Variants in ELOVL5 observed in about 807,000 individuals in gnomAD.
The protein encoded by ELOVL5 is very long chain fatty acid elongase 5.
In ELOVL5, 8 loss-of-function variants were observed where a neutral mutation model predicts 38.6. The observed-to-expected ratio is 0.21, with a 90% CI of 0.12 to 0.37. The LOEUF (loss-of-function observed/expected upper bound fraction) is 0.37, where lower values mean the gene tolerates loss of function less well. Among genes scored for constraint, ELOVL5 ranks in the 10% least tolerant of loss-of-function variants. The pLI is 1.00. For synonymous variants in ELOVL5, 127 were observed against 133.7 expected (o/e 0.95, Z 0.34); for missense variants, 280 against 367.8 (o/e 0.76, Z 1.95).
intron 3 of ELOVL5, among the ~76,000 whole-genome samples, chr6:53,278,082 G>C (rs575407962): frequency 1.3e-5 from 2 of 152,148 alleles, no homozygotes; most frequent in African/African-American, 4.8e-5. Flanking sequence ...AATTAAAAAC[G>C]TACTAACATA....
At position 53,267,586 on chromosome 6, in the gene ELOVL5, G is replaced by A. The variant is rs1361629268; in HGVS notation, c.*1541C>T. 1 of 152,544 alleles carries A rather than the reference G, an allele frequency of 6.6e-6. No homozygotes were observed. Among genetic ancestry groups the A allele is most frequent in the Admixed American group, 6.6e-5 (1 of 15,260 alleles). The allele number at this position is 152,544 out of a possible 1,614,324, so 9.4% of individuals were successfully genotyped here. ...TACATTTATAAATATACACATTCTA[G>A]GTTTGATAAGGTAAATGTAAACAGA... On this transcript the variant is annotated 3_prime_UTR_variant, in exon 8 of 8. Transcript: ENST00000304434.
Position 53,292,044 on chromosome 6 carries a change from G to A in ELOVL5, c.59-81C>T, listed in dbSNP as rs573450299. 95 of 849,770 alleles carry A rather than the reference G, an allele frequency of 1.1e-4. No homozygotes were observed. The African/African-American group carries it at 1.2e-3, about 11-fold the overall frequency. 52.6% of individuals were successfully genotyped at this position (849,770 alleles called of 1,614,324 possible). On this transcript the variant is annotated intron_variant, in intron 2 of 7. Coordinates refer to ENST00000304434, the MANE Select transcript of ELOVL5 (RefSeq NM_021814.5). The stretch of plus-strand genomic sequence containing the variant: ...TTGAAAAAATTTCTCTAACCATGAT[G>A]ATATAAAAGTCACCTGGTATTCATG...
At chr6:53,338,595 A>G (rs1487364652) in intron 1 of ELOVL5, among the ~76,000 whole-genome samples, 1 of 151,940 alleles carries the variant, frequency 6.6e-6, no homozygotes, top group Non-Finnish European at 1.5e-5. Flanking sequence ...AGACACCAAG[A>G]TACTACACAC....
chr6:53,347,881 ACTCTTG>A (rs1415633062), intron 1 of ELOVL5, among the ~76,000 whole-genome samples: 1 of 152,032 alleles, frequency 6.6e-6, no homozygotes, highest in Non-Finnish European at 1.5e-5. Flanking sequence ...AGCAAGAACA[ACTCTTG>A]CTCTAGGCAT....
chr6:53,331,756 A>G (rs557418342), intron 1 of ELOVL5, among the ~76,000 whole-genome samples: 2 of 152,366 alleles, frequency 1.3e-5, no homozygotes, highest in East Asian at 3.9e-4. Context: ...AGCTAATTAT[A>G]ATGAATAAAT....
chr6:53,340,879 T>C (rs1465590487), intron 1 of ELOVL5, among the ~76,000 whole-genome samples: 1 of 152,200 alleles, frequency 6.6e-6, no homozygotes, highest in African/African-American at 2.4e-5. Context: ...TCAGGCAATC[T>C]GGAGATAGAG....
intron 1 of ELOVL5, among the ~76,000 whole-genome samples, chr6:53,318,098 A>C (rs1226885570): frequency 6.6e-6 from 1 of 152,186 alleles, no homozygotes; most frequent in South Asian, 2.1e-4. Flanking sequence ...CACTGAGAGG[A>C]GGCCAACTGA....
intron 3 of ELOVL5, among the ~76,000 whole-genome samples, chr6:53,282,666 G>A (rs1766403423): frequency 6.6e-6 from 1 of 152,218 alleles, no homozygotes; most frequent in Non-Finnish European, 1.5e-5. Flanking sequence ...GGCATTTCTT[G>A]TAAGTACTAA....
rs537419614 is a variant in ELOVL5 at position 53,291,837 on chromosome 6, C to A, written c.185G>T (p.Arg62Leu). 1 of 1,613,822 alleles carries A rather than the reference C, an allele frequency of 6.2e-7. No individual in the cohort carries two copies. The highest frequency in any genetic ancestry group is 8.5e-7 in the Non-Finnish European group (1 of 1,179,954). The change falls in exon 3 of 8, where the codon CGG becomes CTG. Residue 62 changes from arginine to leucine, a missense_variant. Physicochemically the swap from Arg to Leu is moderately radical, Grantham distance 102 (BLOSUM62 -2). Transcript: ENST00000304434. ...AAGGTTATACACCACTAAAATCCCC[C>A]GGCAAGAGAATGGCTGTTTATTCCT... is the stretch of plus-strand genomic sequence containing the variant. ...YMRNKQPFSC[R>L]GILVVYNLGL...
rs1392518274 is a variant in ELOVL5 at position 53,327,963 on chromosome 6, T to C, written c.-9+20854A>G. On this transcript the variant is annotated intron_variant, in intron 1 of 7. Coordinates refer to ENST00000304434, the MANE Select transcript of ELOVL5 (RefSeq NM_021814.5). ...CATCTACAATGATCCCAAGACCCCATAAAAGTCAGCCAATTATCAATAGCC... is the reference window on the plus strand; with the variant it reads ...CATCTACAATGATCCCAAGACCCCACAAAAGTCAGCCAATTATCAATAGCC... Among the ~76,000 whole-genome samples, 3 of 152,238 alleles carry C rather than the reference T, an allele frequency of 2.0e-5. No individual in the cohort carries two copies. The East Asian group carries it at 5.8e-4, about 29-fold the overall frequency.
chr6:53,319,449 T>G (rs534123648), intron 1 of ELOVL5, among the ~76,000 whole-genome samples: 3 of 152,180 alleles, frequency 2.0e-5, no homozygotes, highest in African/African-American at 7.2e-5. Context: ...AATAAAAAAT[T>G]AGAAACTCTC....
rs369509520 is a variant in ELOVL5 at position 53,282,951 on chromosome 6, G to A, written c.247-6695C>T. ...CCATCAGATGGCCTTCAAACCCAGA[G>A]CCTGGGGAGATGCTTTCACAGCCCA... On this transcript the variant is annotated intron_variant, in intron 3 of 7. Transcript: ENST00000304434. Among the ~76,000 whole-genome samples the A allele has an allele frequency of 3.3e-5, 5 of 152,324 alleles. No individual in the cohort carries two copies. In the South Asian group the frequency reaches 8.3e-4, roughly 25 times the overall value.
chr6:53,327,974 C>A (rs1402830017), intron 1 of ELOVL5, among the ~76,000 whole-genome samples: 1 of 152,066 alleles, frequency 6.6e-6, no homozygotes, highest in East Asian at 1.9e-4. Context: ...AAAAGTCAGC[C>A]AATTATCAAT....
At chr6:53,346,329 G>A (rs560949861) in intron 1 of ELOVL5, among the ~76,000 whole-genome samples, 1 of 152,242 alleles carries the variant, frequency 6.6e-6, no homozygotes, top group South Asian at 2.1e-4. Context: ...ATTTGAGTTG[G>A]TTCCAAGTCT....
intron 3 of ELOVL5, among the ~76,000 whole-genome samples, chr6:53,278,410 A>T (rs1766222202): frequency 6.6e-6 from 1 of 152,140 alleles, no homozygotes; most frequent in African/African-American, 2.4e-5. Flanking sequence ...AACGGGTTGA[A>T]GGGGTCTTGT....
chr6:53,301,681 C>T (rs1219382394), intron 1 of ELOVL5, among the ~76,000 whole-genome samples: 1 of 152,204 alleles, frequency 6.6e-6, no homozygotes, highest in Non-Finnish European at 1.5e-5. Flanking sequence ...TCAAGAGCCA[C>T]ACACAGAAAA....
chr6:53,296,094 G>A (rs1048578544), intron 1 of ELOVL5, among the ~76,000 whole-genome samples: 2 of 152,078 alleles, frequency 1.3e-5, no homozygotes, highest in African/African-American at 4.8e-5. Context: ...ACAAGGAAGA[G>A]CCATATCAGG....
intron 1 of ELOVL5, among the ~76,000 whole-genome samples, chr6:53,298,349 T>C (rs1000024861): frequency 1.1e-4 from 16 of 152,112 alleles, no homozygotes; most frequent in Admixed American, 9.9e-4. Context: ...TTTTAAAACC[T>C]AGATTCTATT....
chr6:53,342,773 G>A (rs377410887), intron 1 of ELOVL5, among the ~76,000 whole-genome samples: 4 of 152,282 alleles, frequency 2.6e-5, no homozygotes, highest in African/African-American at 4.8e-5. Context: ...AGGTAAAAAA[G>A]TCCAATCTAA....
Sources: allele counts gnomAD v4.1 joint callset (sites outside exome capture counted in the v4.1 genomes callset), GRCh38; gene constraint gnomAD v4.1.1; transcripts MANE v1.5; gene names NCBI Gene and HGNC (gene_info 2026-07-23, HGNC 2026-07-21).